SMAD9: variants seen among roughly 807,000 people sequenced by gnomAD.
SMAD9 encodes MAD homolog 9.
SMAD9 carries 36 observed loss-of-function variants against 46.1 expected under a neutral mutation model. That is an observed-to-expected ratio of 0.78 (90% confidence interval 0.60 to 1.03). SMAD9 has a LOEUF of 1.03. Among genes scored for constraint, SMAD9 ranks in the 50% least tolerant of loss-of-function variants. The probability of loss-of-function intolerance (pLI) is 0.00; values close to 1 mark genes in which losing one functional copy is unlikely to be tolerated. For synonymous variants in SMAD9, 245 were observed against 237.1 expected, an observed-to-expected ratio of 1.03 and a Z score of -0.31; for missense variants, 572 against 599.8, an observed-to-expected ratio of 0.95 and a Z score of 0.48.
At chr13:36,864,347 A>G (rs2058211416) in intron 5 of SMAD9, among the ~76,000 whole-genome samples, 1 of 152,126 alleles carries the variant, frequency 6.6e-6, no homozygotes, top group Non-Finnish European at 1.5e-5. Flanking sequence ...GAGCAACTCC[A>G]TCTTGAATAG....
intron 1 of SMAD9, among the ~76,000 whole-genome samples, chr13:36,914,435 C>A (rs781653663): frequency 6.6e-6 from 1 of 152,156 alleles, no homozygotes; most frequent in Non-Finnish European, 1.5e-5. Context: ...GGGAGAATGG[C>A]ATGAACCCGG....
At chr13:36,882,947 G>A (rs1021025971) in intron 1 of SMAD9, among the ~76,000 whole-genome samples, 8 of 152,154 alleles carry the variant, frequency 5.3e-5, no homozygotes, top group Non-Finnish European at 1.0e-4. Context: ...CTGGATGGCA[G>A]AGACCCCATT....
intron 5 of SMAD9, among the ~76,000 whole-genome samples, chr13:36,861,012 A>G (rs1221627870): frequency 2.0e-5 from 3 of 152,180 alleles, no homozygotes; most frequent in South Asian, 4.1e-4. Flanking sequence ...GGTCAAAGTC[A>G]TAAGTTCAGT....
intron 1 of SMAD9, among the ~76,000 whole-genome samples, chr13:36,897,580 A>G (rs1277665806): frequency 1.3e-5 from 2 of 152,134 alleles, no homozygotes; most frequent in Non-Finnish European, 2.9e-5. Context: ...GGATATCTTC[A>G]GAAGAAATTA....
intron 5 of SMAD9, among the ~76,000 whole-genome samples, chr13:36,854,654 G>A (rs1240750168): frequency 1.3e-5 from 2 of 152,188 alleles, no homozygotes; most frequent in East Asian, 3.9e-4. Flanking sequence ...TTACAGGCAT[G>A]AGCCACTGCA....
rs556870056 is a variant in SMAD9, at chr13:36,870,400, C to T, written c.670+2258G>A. On this transcript the variant is annotated intron_variant, in intron 3 of 6. Transcript: ENST00000379826. Reference sequence around the variant, plus strand: ...GCAAAACTTCAACCATCTGCTCCTACACTGAGTTAATGACTCTCAAGCTAC... The same window carrying T: ...GCAAAACTTCAACCATCTGCTCCTATACTGAGTTAATGACTCTCAAGCTAC... Among the ~76,000 whole-genome samples the T allele has an allele frequency of 2.6e-5, 4 of 152,306 alleles. 1 individual carries two copies. The South Asian group carries it at 8.3e-4, about 32-fold the overall frequency.
chr13:36,868,700 T>A (rs569586668), intron 3 of SMAD9, among the ~76,000 whole-genome samples: 1 of 151,860 alleles, frequency 6.6e-6, no homozygotes, highest in Admixed American at 6.6e-5. Flanking sequence ...GCCCCCATAC[T>A]CCAGCCTGGG....
At chr13:36,869,020 A>T (rs981852794) in intron 3 of SMAD9, among the ~76,000 whole-genome samples, 1 of 152,170 alleles carries the variant, frequency 6.6e-6, no homozygotes, top group African/African-American at 2.4e-5. Flanking sequence ...ACAAAGGGGC[A>T]AATATTGCAT....
At chr13:36,852,469 T>C in intron 6 of SMAD9, 3 of 985,420 alleles carry the variant, frequency 3.0e-6, no homozygotes, top group Non-Finnish European at 2.4e-6. Flanking sequence ...CCCAGTTGTC[T>C]TTCCTTCCCA....
At position 36,846,573 on chromosome 13, in the gene SMAD9, T is replaced by C. The variant is rs977256330; in HGVS notation, c.*2103A>G. On this transcript the variant is annotated 3_prime_UTR_variant, in exon 7 of 7. Transcript: ENST00000379826. ...TTTGATCTCTGGAGCAAAAACTGTG[T>C]TGAAGTTCTCCCATGGAATGGTTCC... is the stretch of plus-strand genomic sequence containing the variant. 10 of 151,702 alleles carry C rather than the reference T, an allele frequency of 6.6e-5. No homozygotes were observed. The highest frequency in any genetic ancestry group is 2.2e-4 in the African/African-American group (9 of 41,254). 9.4% of individuals were successfully genotyped at this position (151,702 alleles called of 1,614,324 possible).
At chr13:36,920,750 C>T (rs181050987), upstream of SMAD9, 1 of 152,486 alleles carries the variant, frequency 6.6e-6, no homozygotes, top group East Asian at 1.9e-4. Context: ...CTGTTCCTCA[C>T]ATGTTTCTGG....
At chr13:36,868,496 T>C (rs2058257547) in intron 3 of SMAD9, among the ~76,000 whole-genome samples, 1 of 152,172 alleles carries the variant, frequency 6.6e-6, no homozygotes, top group African/African-American at 2.4e-5. Flanking sequence ...TCTTAGCATT[T>C]TGGAAGGCTG....
intron 5 of SMAD9, among the ~76,000 whole-genome samples, chr13:36,860,250 A>G (rs530496880): frequency 1.3e-5 from 2 of 152,200 alleles, no homozygotes; most frequent in Non-Finnish European, 2.9e-5. Context: ...AAGAATTACT[A>G]GAATTATACA....
At chr13:36,901,666 G>A (rs916596782) in intron 1 of SMAD9, among the ~76,000 whole-genome samples, 5 of 152,154 alleles carry the variant, frequency 3.3e-5, no homozygotes, top group African/African-American at 1.2e-4. Context: ...AGCCTCAAAT[G>A]ATCTCCCTGC....
chr13:36,876,884 A>G (rs1023984805), intron 2 of SMAD9, among the ~76,000 whole-genome samples: 3 of 152,190 alleles, frequency 2.0e-5, no homozygotes, highest in Non-Finnish European at 4.4e-5. Context: ...TAGATATAAA[A>G]TCTACTTTTT....
Position 36,865,690 on chromosome 13 carries a change from G to A in SMAD9, c.850C>T (p.Arg284Ter), listed in dbSNP as rs553369182. 2.9e-5 allele frequency: 46 copies of A among 1,613,952 alleles called. No individual in the cohort carries two copies. Among genetic ancestry groups the A allele is most frequent in the African/African-American group, 4.0e-5 (3 of 74,886 alleles). Residue 284 changes from arginine to a stop codon, truncating the protein, a stop_gained, in exon 5 of 7, where the codon CGA (arginine) becomes TGA (stop). Transcript: ENST00000379826. LOFTEE classifies it high-confidence loss of function. Reference sequence around the variant, plus strand: ...GAAGCCTGGAATGTCTCCCCAACTCGGTTGTTCAGTTCATAGTAGGCGACC... The same window carrying A: ...GAAGCCTGGAATGTCTCCCCAACTCAGTTGTTCAGTTCATAGTAGGCGACC... ...CSVAYYELNN[R>*]VGETFQASSR... is the part of the protein sequence containing the mutation.
chr13:36,898,197 A>C (rs970168565), intron 1 of SMAD9, among the ~76,000 whole-genome samples: 4 of 151,980 alleles, frequency 2.6e-5, no homozygotes, highest in African/African-American at 9.7e-5. Context: ...GGTTACCCTT[A>C]TTAGGGGTAG....
chr13:36,907,314 G>GT (rs35781641), intron 1 of SMAD9, among the ~76,000 whole-genome samples: 76,639 of 151,954 alleles, frequency 0.5, 19,887 homozygotes, highest in African/African-American at 0.62. Context: ...GCAATGGATA[G>GT]GGTGGTAGTT....
In SMAD9 at chr13:36,872,997, C is replaced by T; in HGVS notation, c.413-82G>A. ...CAGAGTGGATACTTGCTGTTCTTATCTATTTTTTGTTTATGATAGAGCTGT... is the reference window on the plus strand; with the variant it reads ...CAGAGTGGATACTTGCTGTTCTTATTTATTTTTTGTTTATGATAGAGCTGT... On this transcript the variant is annotated intron_variant, in intron 2 of 6. Coordinates refer to ENST00000379826, the MANE Select transcript of SMAD9 (RefSeq NM_001127217.3). The T allele has an allele frequency of 2.0e-6, 3 of 1,515,170 alleles. No homozygotes were observed. In the East Asian group the frequency reaches 6.9e-5, roughly 35 times the overall value. 93.9% of individuals were successfully genotyped at this position (1,515,170 alleles called of 1,614,324 possible). A position where few individuals can be genotyped will look rare whatever the true frequency, so the allele number is the denominator to read the frequency against.
Sources: gnomAD v4.1 joint callset for allele counts (sites outside exome capture counted in the v4.1 genomes callset) on GRCh38, gnomAD v4.1.1 for gene constraint, MANE v1.5 for transcripts, NCBI Gene and HGNC (gene_info 2026-07-23, HGNC 2026-07-21) for gene names.